CCDC30: variants seen among roughly 807,000 people sequenced by gnomAD.
CCDC30 encodes coiled-coil domain containing 30.
Under a neutral mutation model 100.2 loss-of-function variants are expected in CCDC30, and 70 were observed. The observed-to-expected ratio is 0.70, with a 90% CI of 0.58 to 0.85. CCDC30 has a LOEUF of 0.85. Ranked by LOEUF, CCDC30 falls within the 40% of genes least tolerant of loss-of-function variation. The probability of loss-of-function intolerance (pLI) is 0.00; values close to 1 mark genes in which losing one functional copy is unlikely to be tolerated. For synonymous variants in CCDC30, 233 were observed against 269.5 expected (o/e 0.86, Z 1.33); for missense variants, 652 against 771.2 (o/e 0.85, Z 1.83).
At chr1:42,537,570 T>G in intron 6 of CCDC30, 4 of 330,502 alleles carry the variant, frequency 1.2e-5, no homozygotes, top group South Asian at 9.8e-5. Flanking sequence ...GTAAATTTTA[T>G]GTAACCTATT....
intron 3 of CCDC30, 37 bp downstream of exon 3, chr1:42,482,853 C>T: frequency 2.5e-6 from 3 of 1,196,970 alleles, no homozygotes; most frequent in Non-Finnish European, 3.1e-6. Context: ...TCCGATCATG[C>T]TTTAACTGTA....
In CCDC30 at chr1:42,627,282, A is replaced by G. The variant is rs61056228; in HGVS notation, c.1278-9955A>G. 6.4e-3 allele frequency among the ~76,000 whole-genome samples: 980 copies of G among 152,264 alleles called. 12 individuals carry two copies. Among genetic ancestry groups the G allele is most frequent in the African/African-American group, 0.023 (942 of 41,546 alleles). The stretch of plus-strand genomic sequence containing the variant: ...GAACTTGAGAGAGATGATTTAGGGT[A>G]TCTGGTGGAAGAAACCTCTAAACAG... On this transcript the variant is annotated intron_variant, in intron 11 of 16. Coordinates refer to ENST00000668663, the Ensembl canonical transcript of CCDC30.
intron 7 of CCDC30, among the ~76,000 whole-genome samples, chr1:42,568,315 A>T (rs564410891): frequency 7.9e-5 from 12 of 152,174 alleles, no homozygotes; most frequent in African/African-American, 2.9e-4. Context: ...GGGTTTCACC[A>T]TGTTGGCCAG....
intron 6 of CCDC30, among the ~76,000 whole-genome samples, chr1:42,532,104 C>A (rs918101167): frequency 6.6e-5 from 10 of 152,140 alleles, no homozygotes; most frequent in African/African-American, 1.7e-4. Flanking sequence ...TCAACCTGGG[C>A]AACATGGTGA....
chr1:42,509,927 G>C, intron 6 of CCDC30: 2 of 383,016 alleles, frequency 5.2e-6, no homozygotes, highest in Non-Finnish European at 7.2e-6. Flanking sequence ...AAGCTTCTGG[G>C]TTCCCTTCCT....
rs1646614724 is a variant in CCDC30, at chr1:42,611,119, A to G, written c.1277+29A>G. 1.7e-5 allele frequency: 23 copies of G among 1,333,844 alleles called. No individual in the cohort carries two copies. In the East Asian group the frequency reaches 5.3e-4, roughly 31 times the overall value. 82.6% of individuals were successfully genotyped at this position (1,333,844 alleles called of 1,614,324 possible). A position where few individuals can be genotyped will look rare whatever the true frequency, so the allele number is the denominator to read the frequency against. ...AACAAAGACAAGTTCTCTTTGGAAG[A>G]AAACTATGTAGAGTAGTTATTTCTT... On this transcript the variant is annotated intron_variant, in intron 11 of 16. Coordinates refer to ENST00000668663, the Ensembl canonical transcript of CCDC30.
intron 1 of CCDC30, among the ~76,000 whole-genome samples, chr1:42,474,639 G>C (rs12025180): frequency 2.0e-5 from 3 of 152,000 alleles, no homozygotes; most frequent in South Asian, 2.1e-4. Flanking sequence ...GCACTTTGGC[G>C]TACTAAGAAC....
intron 6 of CCDC30, among the ~76,000 whole-genome samples, chr1:42,532,467 C>T (rs549966125): frequency 3.3e-5 from 5 of 152,172 alleles, no homozygotes; most frequent in Non-Finnish European, 5.9e-5. Context: ...TGTTATTACA[C>T]GTGTTCTCAG....
chr1:42,544,481 A>G (rs74804342), intron 6 of CCDC30, among the ~76,000 whole-genome samples: 5,277 of 152,242 alleles, frequency 0.035, 317 homozygotes, highest in African/African-American at 0.12. Flanking sequence ...AGGGGCTACA[A>G]TATAAGATTG....
intron 6 of CCDC30, chr1:42,500,425 T>G (rs1022747335): frequency 2.3e-6 from 2 of 865,280 alleles, no homozygotes; most frequent in South Asian, 2.9e-5. Context: ...CTCTCTTTTT[T>G]TTTTTTGAGA....
intron 12 of CCDC30, among the ~76,000 whole-genome samples, chr1:42,640,111 T>A (rs1000703067): frequency 1.3e-5 from 2 of 152,168 alleles, no homozygotes; most frequent in African/African-American, 4.8e-5. Context: ...AACCTAGGAA[T>A]TCTTATTTTA....
chr1:42,528,487 C>A (rs893418455), intron 6 of CCDC30, among the ~76,000 whole-genome samples: 6 of 152,156 alleles, frequency 3.9e-5, no homozygotes, highest in African/African-American at 7.2e-5. Context: ...CAGGGAAAGC[C>A]TTCAGATCAC....
chr1:42,502,476 C>T (rs370485624), intron 6 of CCDC30, among the ~76,000 whole-genome samples: 1 of 152,190 alleles, frequency 6.6e-6, no homozygotes, highest in Non-Finnish European at 1.5e-5. Context: ...GTGGGCTGCA[C>T]CCACTGTCTG....
intron 7 of CCDC30, among the ~76,000 whole-genome samples, chr1:42,575,591 A>G (rs1423002934): frequency 7.3e-6 from 1 of 136,196 alleles, no homozygotes; most frequent in Non-Finnish European, 1.5e-5. Flanking sequence ...CAGAGCTTGC[A>G]GTGAGCAGAG....
intron 6 of CCDC30, chr1:42,534,094 T>G (rs573416895): frequency 6.6e-6 from 1 of 152,352 alleles, no homozygotes; most frequent in Non-Finnish European, 1.5e-5. Context: ...CCTAAAGGCA[T>G]AACTATATTC....
intron 6 of CCDC30, among the ~76,000 whole-genome samples, chr1:42,546,428 A>ATGTATATATGTATATATATATG (rs1645144447): frequency 2.7e-5 from 2 of 73,766 alleles, no homozygotes; most frequent in African/African-American, 8.6e-5. Flanking sequence ...ATATATATAT[A>ATGTATATATGTATATATATATG]TATATATATA....
intron 6 of CCDC30, among the ~76,000 whole-genome samples, chr1:42,542,426 C>T (rs1291418107): frequency 6.6e-6 from 1 of 151,900 alleles, no homozygotes; most frequent in Non-Finnish European, 1.5e-5. Context: ...AATGCAGCGG[C>T]AAGATCATAG....
Position 42,527,464 on chromosome 1 carries a change from A to T in CCDC30, c.456+28548A>T, listed in dbSNP as rs183906410. Among the ~76,000 whole-genome samples the T allele has an allele frequency of 2.0e-5, 3 of 152,330 alleles. No homozygotes were observed. The East Asian group carries it at 5.8e-4, about 29-fold the overall frequency. On this transcript the variant is annotated intron_variant, in intron 6 of 16. Coordinates refer to ENST00000668663, the Ensembl canonical transcript of CCDC30. The stretch of plus-strand genomic sequence containing the variant: ...CCTTACCTGTAAAATGAGAATAATA[A>T]TGTCCCTAGGACTCAGCAAAGAATG...
chr1:42,621,820 TTA>T (rs970771295), intron 11 of CCDC30, among the ~76,000 whole-genome samples: 3 of 151,790 alleles, frequency 2.0e-5, no homozygotes, highest in Non-Finnish European at 4.4e-5. Context: ...CTAATTTTGT[TTA>T]TGTTTGTAGA....
Sources: allele counts gnomAD v4.1 joint callset (sites outside exome capture counted in the v4.1 genomes callset), GRCh38; gene constraint gnomAD v4.1.1; transcripts MANE v1.5; gene names NCBI Gene and HGNC (gene_info 2026-07-23, HGNC 2026-07-21).